FAM234B: variants seen among roughly 807,000 people sequenced by gnomAD.
The protein encoded by FAM234B is family with sequence similarity 234 member B.
Under a neutral mutation model 69.3 loss-of-function variants are expected in FAM234B, and 33 were observed. That is an observed-to-expected ratio of 0.48 (90% CI 0.36 to 0.64). FAM234B has a LOEUF of 0.64. Ranked by LOEUF, FAM234B falls within the 30% of genes least tolerant of loss-of-function variation. FAM234B has a pLI of 0.00. For synonymous variants in FAM234B, 306 were observed against 306.9 expected (o/e 1.00, Z 0.03); for missense variants, 697 against 769.7 (o/e 0.91, Z 1.12).
At chr12:13,047,975 G>A (rs991314624) in intron 1 of FAM234B, among the ~76,000 whole-genome samples, 1 of 152,102 alleles carries the variant, frequency 6.6e-6, no homozygotes, top group Non-Finnish European at 1.5e-5. Context: ...ATCAAAACTT[G>A]CAGTCTGTAA....
Position 13,066,742 on chromosome 12 carries a change from G to T in FAM234B, c.955G>T (p.Val319Phe). 6.2e-7 allele frequency: 1 copy of T among 1,614,016 alleles called. No homozygotes were observed. Among genetic ancestry groups the T allele is most frequent in the Non-Finnish European group, 8.5e-7 (1 of 1,179,964 alleles). The change falls in exon 6 of 13, where the codon GTT (valine) becomes TTT (phenylalanine). Residue 319 changes from valine to phenylalanine, a missense_variant. Around this residue, in one of 3 missense-constraint regions of FAM234B, gnomAD observed 380 missense variants for 447.1 expected, o/e 0.85. Coordinates refer to ENST00000197268, the MANE Select transcript of FAM234B (RefSeq NM_020853.2). The stretch of plus-strand genomic sequence containing the variant: ...AGTTGGGAATCTGATTGGTCCTCAG[G>T]TTTACATCACCACAAATGGGGCTGT... ...VGVGNLIGPQ[V>F]YITTNGAVYI...
chr12:13,066,577 A>T, intron 5 of FAM234B, 63 bp from the exon 6 acceptor site: 1 of 1,514,916 alleles, frequency 6.6e-7, no homozygotes, highest in South Asian at 1.3e-5. Flanking sequence ...TGTCTGGAGA[A>T]GCCATTTCAT....
rs201805527 is a variant in FAM234B, at chr12:13,067,129, C to T, written c.1001-26C>T. On this transcript the variant is annotated intron_variant, in intron 6 of 12. Transcript: ENST00000197268. This position sits in a 1 kb window ranked among gnomAD's most constrained non-coding sequence, Gnocchi z 4.7. The stretch of plus-strand genomic sequence containing the variant: ...GACAGTTCTGTTAAATTCAACTTCT[C>T]AGTGTTGGTTCTTCTGTGGTGCTAG... The T allele has an allele frequency of 4.7e-5, 76 of 1,613,478 alleles. No homozygotes were observed. The highest frequency in any genetic ancestry group is 6.2e-5 in the Non-Finnish European group (73 of 1,179,620).
intron 3 of FAM234B, 41 bp downstream of exon 3, chr12:13,058,590 G>C: frequency 6.6e-7 from 1 of 1,523,130 alleles, no homozygotes; most frequent in Non-Finnish European, 9.1e-7. Flanking sequence ...CAGGGGCACT[G>C]TCAGCTAGGA....
At chr12:13,061,854 C>T in intron 4 of FAM234B, 91 bp downstream of exon 4, 1 of 1,058,126 alleles carries the variant, frequency 9.5e-7, no homozygotes, top group Non-Finnish European at 1.4e-6. Flanking sequence ...TTTTGACTCT[C>T]ACGTGGTGGA....
rs2120520510 is a variant in FAM234B, at chr12:13,082,050, C to G, written c.*1420C>G. 1 of 148,008 alleles carries G rather than the reference C, an allele frequency of 6.8e-6. No individual in the cohort carries two copies. Among genetic ancestry groups the G allele is most frequent in the Non-Finnish European group, 1.5e-5 (1 of 67,644 alleles). 9.2% of individuals were successfully genotyped at this position (148,008 alleles called of 1,614,324 possible). On this transcript the variant is annotated 3_prime_UTR_variant, in exon 13 of 13. Coordinates refer to ENST00000197268, the MANE Select transcript of FAM234B (RefSeq NM_020853.2). Reference sequence around the variant, plus strand: ...CTCGGCTCACTGCAACCTTCGCCTCCTGGGTTCAAGCGATTCTCCAGCCTT... The same window carrying G: ...CTCGGCTCACTGCAACCTTCGCCTCGTGGGTTCAAGCGATTCTCCAGCCTT...
chr12:13,046,893 T>A (rs572386729), intron 1 of FAM234B, among the ~76,000 whole-genome samples: 2 of 152,362 alleles, frequency 1.3e-5, no homozygotes, highest in South Asian at 2.1e-4. Context: ...TTTCCTCATC[T>A]GTAACAATAA....
At position 13,062,890 on chromosome 12, in the gene FAM234B, C is replaced by T. The variant is rs758299663; in HGVS notation, c.767C>T (p.Thr256Ile). 6.2e-7 allele frequency: 1 copy of T among 1,614,058 alleles called. No individual in the cohort carries two copies. Among genetic ancestry groups the T allele is most frequent in the South Asian group, 1.1e-5 (1 of 91,076 alleles). ...TLNPNYLSNG[T>I]LAAPVVVLPD... ...AACCCAAACTACTTGTCCAACGGTACCTTGGCTGCCCCAGTTGTGGTACTG... is the reference window on the plus strand; with the variant it reads ...AACCCAAACTACTTGTCCAACGGTATCTTGGCTGCCCCAGTTGTGGTACTG... Residue 256 changes from threonine (T) to isoleucine (I), a missense_variant, in exon 5 of 13, where the codon ACC becomes ATC. Around this residue, in one of 3 missense-constraint regions of FAM234B, gnomAD observed 380 missense variants for 447.1 expected, o/e 0.85. Transcript: ENST00000197268.
In FAM234B at chr12:13,067,077, T is replaced by C; in HGVS notation, c.1001-78T>C. 6.5e-7 allele frequency: 1 copy of C among 1,538,706 alleles called. No homozygotes were observed. Among genetic ancestry groups the C allele is most frequent in the South Asian group, 1.2e-5 (1 of 86,918 alleles). On this transcript the variant is annotated intron_variant, in intron 6 of 12. Coordinates refer to ENST00000197268, the MANE Select transcript of FAM234B (RefSeq NM_020853.2). This position sits in a 1 kb window ranked among gnomAD's most constrained non-coding sequence, Gnocchi z 4.7. ...GTTAGACCCATCTGGTCAGGCTCTG[T>C]GTCTCTTGCTCAGATCCTCACCATG... is the stretch of plus-strand genomic sequence containing the variant.
At chr12:13,062,136 C>T (rs375333117) in intron 4 of FAM234B, 13 of 166,546 alleles carry the variant, frequency 7.8e-5, no homozygotes, top group African/African-American at 2.9e-4. Context: ...TAAAAAAATA[C>T]GTCAGTGAAG....
intron 3 of FAM234B, among the ~76,000 whole-genome samples, chr12:13,059,292 G>A (rs11055218): frequency 0.24 from 35,952 of 152,018 alleles, 5,155 homozygotes; most frequent in East Asian, 0.53. Context: ...CAGTAATTGC[G>A]TCCTCTCCTT....
At chr12:13,045,831 CT>C (rs60209117) in intron 1 of FAM234B, among the ~76,000 whole-genome samples, 36,701 of 146,172 alleles carry the variant, frequency 0.25, 5,407 homozygotes, top group East Asian at 0.53. Context: ...AGCTTTATTT[CT>C]TTTTTTTTTT....
intron 3 of FAM234B, among the ~76,000 whole-genome samples, chr12:13,060,655 G>T (rs1864974343): frequency 6.6e-6 from 1 of 152,190 alleles, no homozygotes. Context: ...TTTTTAGGTT[G>T]TATATTCAAT....
At chr12:13,055,479 C>A in intron 1 of FAM234B, 72 bp from the exon 2 acceptor site, 1 of 1,396,786 alleles carries the variant, frequency 7.2e-7, no homozygotes, top group South Asian at 1.5e-5. Flanking sequence ...TGGGTATTTA[C>A]AGTTGCCATA....
At chr12:13,051,259 C>G (rs1033355817) in intron 1 of FAM234B, among the ~76,000 whole-genome samples, 1 of 152,164 alleles carries the variant, frequency 6.6e-6, no homozygotes, top group Admixed American at 6.5e-5. Flanking sequence ...TCCTCCCTGC[C>G]TGTGATAGTA....
chr12:13,044,557 C>A lies in FAM234B; in HGVS notation c.37+117C>A. On this transcript the variant is annotated intron_variant, in intron 1 of 12. Coordinates refer to ENST00000197268, the MANE Select transcript of FAM234B (RefSeq NM_020853.2). The surrounding 1 kb of genome is among the most constrained non-coding windows in gnomAD (Gnocchi z 5.6). ...GCCTCAACCCAGACTCAGCTGCAGG[C>A]GCCCGGTGCCGAGGAGGGTGCAGTC... 8.9e-7 allele frequency: 1 copy of A among 1,122,156 alleles called. No homozygotes were observed. Among genetic ancestry groups the A allele is most frequent in the South Asian group, 1.4e-5 (1 of 69,816 alleles). 69.5% of individuals were successfully genotyped at this position (1,122,156 alleles called of 1,614,324 possible).
chr12:13,078,146 T>C (rs1219730206), intron 11 of FAM234B, among the ~76,000 whole-genome samples: 1 of 151,890 alleles, frequency 6.6e-6, no homozygotes, highest in African/African-American at 2.4e-5. Flanking sequence ...TTTGTTGGAG[T>C]TCACTGTAGA....
intron 1 of FAM234B, among the ~76,000 whole-genome samples, chr12:13,054,549 C>G (rs1358127450): frequency 6.6e-6 from 1 of 152,120 alleles, no homozygotes; most frequent in African/African-American, 2.4e-5. Context: ...ATTCTTTTCC[C>G]CTTTTTAATT....
chr12:13,070,321 T>C (rs1865092218), intron 9 of FAM234B, among the ~76,000 whole-genome samples: 1 of 151,952 alleles, frequency 6.6e-6, no homozygotes. Flanking sequence ...TGTTTTTCTT[T>C]CTCTGCTGGT....
Sources: allele counts gnomAD v4.1 joint callset (sites outside exome capture counted in the v4.1 genomes callset), GRCh38; gene constraint gnomAD v4.1.1; regional missense constraint gnomAD v4.1.1; non-coding constraint Gnocchi (gnomAD v3.1); transcripts MANE v1.5; gene names NCBI Gene and HGNC (gene_info 2026-07-23, HGNC 2026-07-21).